PLEKHA7: variants seen among roughly 807,000 people sequenced by gnomAD.
PLEKHA7 encodes the protein pleckstrin homology domain-containing family A member 7.
Under a neutral mutation model 170.0 loss-of-function variants are expected in PLEKHA7, and 104 were observed. The ratio of observed to expected loss-of-function variants is 0.61; its 90% confidence interval spans 0.52 to 0.72. The LOEUF (loss-of-function observed/expected upper bound fraction) is 0.72, where lower values mean the gene tolerates loss of function less well. Ranked by LOEUF, PLEKHA7 falls within the 30% of genes least tolerant of loss-of-function variation. The pLI, the probability that PLEKHA7 is intolerant of heterozygous loss-of-function variation, is 0.00. For missense variants in PLEKHA7, 1,615 were observed against 1,671.7 expected, an observed-to-expected ratio of 0.97 and a Z score of 0.59; for synonymous variants, 648 against 660.8, an observed-to-expected ratio of 0.98 and a Z score of 0.30.
chr11:16,944,851 T>G (rs1483113059), intron 3 of PLEKHA7, among the ~76,000 whole-genome samples: 1 of 152,244 alleles, frequency 6.6e-6, no homozygotes, highest in Non-Finnish European at 1.5e-5. Context: ...CAAATATACA[T>G]TATCTCATTA....
At chr11:16,901,539 T>C (rs1857336644) in intron 3 of PLEKHA7, among the ~76,000 whole-genome samples, 1 of 152,200 alleles carries the variant, frequency 6.6e-6, no homozygotes, top group South Asian at 2.1e-4. Flanking sequence ...AACAGCTTTA[T>C]TGAGATAGAA....
Position 16,796,968 on chromosome 11 carries a change from G to A in PLEKHA7, c.2410-1950C>T, listed in dbSNP as rs549209265. On this transcript the variant is annotated intron_variant, in intron 17 of 26. Transcript: ENST00000531066. Reference sequence around the variant, plus strand: ...TAGGCGTGAGCCACCATGACCAGCCGAAAGGGTTAATTTTATGACATGTGA... The same window carrying A: ...TAGGCGTGAGCCACCATGACCAGCCAAAAGGGTTAATTTTATGACATGTGA... 3.2e-3 allele frequency among the ~76,000 whole-genome samples: 482 copies of A among 152,242 alleles called. 1 individual carries two copies. Among genetic ancestry groups the A allele is most frequent in the African/African-American group, 0.011 (465 of 41,524 alleles).
chr11:16,846,634 T>C (rs1260148236), intron 8 of PLEKHA7, among the ~76,000 whole-genome samples: 1 of 152,238 alleles, frequency 6.6e-6, no homozygotes, highest in Non-Finnish European at 1.5e-5. Flanking sequence ...TCAGTTGATG[T>C]TACTGAAGGA....
chr11:16,883,760 G>A lies in PLEKHA7; in HGVS notation c.222-12578C>T, dbSNP rs1003911252. 3.3e-5 allele frequency among the ~76,000 whole-genome samples: 5 copies of A among 152,156 alleles called. No individual in the cohort carries two copies. In the East Asian group the frequency reaches 9.7e-4, roughly 29 times the overall value. ...TTACACTCTTCAGTATTAATATATA[G>A]CAACACTCCCCAATTGTAACATAGA... On this transcript the variant is annotated intron_variant, in intron 3 of 26. Transcript: ENST00000531066.
intron 9 of PLEKHA7, among the ~76,000 whole-genome samples, 185 bp from the exon 10 acceptor site, chr11:16,826,775 C>G (rs551750674): frequency 1.1e-4 from 16 of 152,226 alleles, no homozygotes; most frequent in Non-Finnish European, 1.8e-4. Flanking sequence ...TTAACACCAC[C>G]TCCTCCAGGA....
chr11:16,790,367 C>A (rs558085978), intron 21 of PLEKHA7: 1 of 206,652 alleles, frequency 4.8e-6, no homozygotes, highest in Non-Finnish European at 9.9e-6. Context: ...CTCCGGCCTA[C>A]AGGGTGCAGT....
intron 3 of PLEKHA7, among the ~76,000 whole-genome samples, chr11:16,980,921 A>G (rs1863388359): frequency 3.0e-5 from 2 of 66,124 alleles, no homozygotes; most frequent in South Asian, 9.4e-4. Context: ...ATACGGCCCA[A>G]TGATGAAGGG....
chr11:16,848,963 C>CCT (rs1431830037), intron 8 of PLEKHA7, among the ~76,000 whole-genome samples: 3 of 152,232 alleles, frequency 2.0e-5, no homozygotes, highest in Admixed American at 1.3e-4. Flanking sequence ...CAGAGCCTAC[C>CCT]CTCTGGCCCC....
chr11:16,885,590 AGG>A (rs1856033403), intron 3 of PLEKHA7, among the ~76,000 whole-genome samples: 1 of 106,314 alleles, frequency 9.4e-6, no homozygotes, highest in Non-Finnish European at 2.5e-5. Context: ...AAAGAACTAA[AGG>A]AAGATGACAA....
intron 3 of PLEKHA7, among the ~76,000 whole-genome samples, chr11:16,944,309 A>T (rs1019983666): frequency 6.7e-5 from 10 of 149,708 alleles, no homozygotes; most frequent in African/African-American, 2.5e-4. Flanking sequence ...AGCTGAAACC[A>T]TGCCATTGCA....
chr11:16,826,415 C>G lies in PLEKHA7; in HGVS notation c.1048G>C (p.Asp350His). ...QEGEQYRSQR[D>H]PLEGKRDRSK... The stretch of plus-strand genomic sequence containing the variant: ...CGGTCCCGCTTGCCCTCCAGTGGGT[C>G]CCTCTGGGAACGGTACTGCTCTCCC... Residue 350 changes from aspartate to histidine, a missense_variant, in exon 10 of 27, where the codon GAC becomes CAC. Physicochemically the swap from Asp to His is moderately conservative, Grantham distance 81. Transcript: ENST00000531066. The G allele has an allele frequency of 1.2e-6, 2 of 1,614,228 alleles. No individual in the cohort carries two copies. Among genetic ancestry groups the G allele is most frequent in the Non-Finnish European group, 1.7e-6 (2 of 1,180,046 alleles).
chr11:16,944,223 G>A (rs570832693), intron 3 of PLEKHA7, among the ~76,000 whole-genome samples: 111 of 152,142 alleles, frequency 7.3e-4, no homozygotes, highest in African/African-American at 2.5e-3. Flanking sequence ...GTGTGGTGGC[G>A]GGCGCCTGTA....
intron 9 of PLEKHA7, among the ~76,000 whole-genome samples, chr11:16,831,947 C>T (rs1425151540): frequency 6.6e-6 from 1 of 152,194 alleles, no homozygotes; most frequent in Non-Finnish European, 1.5e-5. Flanking sequence ...CCCAATCTCC[C>T]TTGTAGCTGA....
intron 9 of PLEKHA7, among the ~76,000 whole-genome samples, chr11:16,832,127 C>A (rs1245001871): frequency 6.6e-6 from 1 of 152,348 alleles, no homozygotes; most frequent in East Asian, 1.9e-4. Flanking sequence ...GGATGCAAGT[C>A]ATATGCTAAA....
At chr11:16,897,469 C>T (rs12223233) in intron 3 of PLEKHA7, among the ~76,000 whole-genome samples, 25,340 of 152,230 alleles carry the variant, frequency 0.17, 2,616 homozygotes, top group Non-Finnish European at 0.24. Context: ...AACAGCTGCA[C>T]TCTGCCAGCC....
chr11:16,799,295 G>A (rs1848434537), intron 17 of PLEKHA7, among the ~76,000 whole-genome samples: 1 of 152,130 alleles, frequency 6.6e-6, no homozygotes, highest in Non-Finnish European at 1.5e-5. Context: ...TCCCATTCCT[G>A]AATAAATCAT....
At chr11:16,999,309 C>T (rs935075485) in intron 3 of PLEKHA7, among the ~76,000 whole-genome samples, 2 of 151,894 alleles carry the variant, frequency 1.3e-5, no homozygotes, top group Admixed American at 6.6e-5. Context: ...ATGTCAATCA[C>T]TCAGAACAAC....
intron 11 of PLEKHA7, among the ~76,000 whole-genome samples, chr11:16,816,562 C>T (rs528771655): frequency 8.5e-5 from 13 of 152,294 alleles, no homozygotes; most frequent in African/African-American, 2.2e-4. Context: ...TGTCTCTCAG[C>T]GCCTCAGAGT....
intron 3 of PLEKHA7, among the ~76,000 whole-genome samples, chr11:16,903,445 G>C (rs1345020836): frequency 6.6e-6 from 1 of 152,146 alleles, no homozygotes; most frequent in Non-Finnish European, 1.5e-5. Context: ...CAGTTCCCAG[G>C]ACTGGCAGCC....
Sources: allele counts gnomAD v4.1 joint callset (sites outside exome capture counted in the v4.1 genomes callset), GRCh38; gene constraint gnomAD v4.1.1; transcripts MANE v1.5; gene names NCBI Gene and HGNC (gene_info 2026-07-23, HGNC 2026-07-21).